HSPA13: variants seen among roughly 807,000 people sequenced by gnomAD.
The protein encoded by HSPA13 is heat shock protein family A (Hsp70) member 13.
A neutral mutation model predicts 38.8 loss-of-function variants in HSPA13; 29 were observed. The observed-to-expected ratio is 0.75, with a 90% CI of 0.56 to 1.02. The LOEUF is 1.02. Ranked by LOEUF, HSPA13 falls within the 50% of genes least tolerant of loss-of-function variation. The pLI, the probability that HSPA13 is intolerant of heterozygous loss-of-function variation, is 0.00. For missense variants in HSPA13, 451 were observed against 560.9 expected, an observed-to-expected ratio of 0.80 and a Z score of 1.98; for synonymous variants, 192 against 205.3, an observed-to-expected ratio of 0.94 and a Z score of 0.56.
rs201466440 is a variant in HSPA13, at chr21:14,373,696, A to G, written c.1337T>C (p.Ile446Thr). The G allele has an allele frequency of 7.4e-6, 12 of 1,614,144 alleles. No individual in the cohort carries two copies. The East Asian group carries it at 1.3e-4, about 18-fold the overall frequency. The change falls in exon 5 of 5, where the codon ATT (isoleucine) becomes ACT (threonine). Residue 446 changes from isoleucine (I) to threonine (T), a missense_variant. Ile to Thr is a moderately conservative substitution (Grantham distance 89). Coordinates refer to ENST00000285667, the MANE Select transcript of HSPA13 (RefSeq NM_006948.5). The stretch of plus-strand genomic sequence containing the variant: ...TTGGAGAGGCCAAGAGCCTCCATCA[A>G]TCCCTGCTTGGATAGCCACTCCCGT... ...VVTGVAIQAG[I>T]DGGSWPLQVS...
chr21:14,375,747 A>C lies in HSPA13; in HGVS notation c.653T>G (p.Val218Gly). The change falls in exon 4 of 5, where the codon GTC becomes GGC. Residue 218 changes from valine (V) to glycine (G), a missense_variant. Coordinates refer to ENST00000285667, the MANE Select transcript of HSPA13 (RefSeq NM_006948.5). Reference sequence around the variant, plus strand: ...CAAGTCTATCACCAAGACGTGGAAGACGTCAGCCTTGTGGAGACCATAGGC... The same window carrying C: ...CAAGTCTATCACCAAGACGTGGAAGCCGTCAGCCTTGTGGAGACCATAGGC... ...AMAYGLHKAD[V>G]FHVLVIDLGG... The C allele has an allele frequency of 1.2e-6, 2 of 1,614,134 alleles. No individual in the cohort carries two copies. The highest frequency in any genetic ancestry group is 1.1e-5 in the South Asian group (1 of 91,090).
Position 14,383,106 on chromosome 21 carries a change from ATC to A in HSPA13, c.12_13del (p.Glu4AspfsTer28), listed in dbSNP as rs1984215304. 5 of 1,613,970 alleles carry A rather than the reference ATC, an allele frequency of 3.1e-6. No individual in the cohort carries two copies. Among genetic ancestry groups the A allele is most frequent in the Non-Finnish European group, 4.2e-6 (5 of 1,179,976 alleles). The stretch of plus-strand genomic sequence containing the variant: ...CCCCGGGAACCCACCTAAGATCGTC[ATC>A]TCTCTGGCCATCACAGTCCCGCCGA... On this transcript the variant is annotated frameshift_variant, in exon 1 of 5. Transcript: ENST00000285667. LOFTEE classifies it high-confidence loss of function.
chr21:14,381,691 C>T, intron 1 of HSPA13, 148 bp from the exon 2 acceptor site: 1 of 530,716 alleles, frequency 1.9e-6, no homozygotes, highest in Non-Finnish European at 3.1e-6. Flanking sequence ...TGATAGCACT[C>T]CTCTCAGACA....
At chr21:14,378,883 G>T (rs1984100042) in intron 2 of HSPA13, among the ~76,000 whole-genome samples, 1 of 151,966 alleles carries the variant, frequency 6.6e-6, no homozygotes, top group South Asian at 2.1e-4. Flanking sequence ...CTCCCAAAGT[G>T]CTGGGATTAC....
At position 14,373,456 on chromosome 21, in the gene HSPA13, A is replaced by G. The variant is rs1420226151; in HGVS notation, c.*161T>C. On this transcript the variant is annotated 3_prime_UTR_variant, in exon 5 of 5. Transcript: ENST00000285667. ...AAACAGGATCAATCTGGTCACGTCTAATCCTAAGACAAAACACTATGTAAA... is the reference window on the plus strand; with the variant it reads ...AAACAGGATCAATCTGGTCACGTCTGATCCTAAGACAAAACACTATGTAAA... 8.0e-6 allele frequency: 5 copies of G among 621,712 alleles called. No homozygotes were observed. The highest frequency in any genetic ancestry group is 5.5e-5 in the African/African-American group (3 of 54,308). 38.5% of individuals were successfully genotyped at this position (621,712 alleles called of 1,614,324 possible).
chr21:14,373,490 G>A lies in HSPA13; in HGVS notation c.*127C>T, dbSNP rs762587806. On this transcript the variant is annotated 3_prime_UTR_variant, in exon 5 of 5. Transcript: ENST00000285667. ...ACAAAACACTATGTAAAATTTTCCT[G>A]TATCTAAATGTTGCCCTCTAGGTAA... 2.6e-6 allele frequency: 2 copies of A among 768,660 alleles called. No individual in the cohort carries two copies. Among genetic ancestry groups the A allele is most frequent in the Admixed American group, 2.9e-5 (1 of 34,432 alleles). 47.6% of individuals were successfully genotyped at this position (768,660 alleles called of 1,614,324 possible). A position where few individuals can be genotyped will look rare whatever the true frequency, so the allele number is the denominator to read the frequency against.
At position 14,373,617 on chromosome 21, in the gene HSPA13, T is replaced by G. The variant is rs2123521388; in HGVS notation, c.1416A>C (p.Ter472CysextTer5). 1 of 1,603,306 alleles carries G rather than the reference T, an allele frequency of 6.2e-7. No individual in the cohort carries two copies. The highest frequency in any genetic ancestry group is 8.5e-7 in the Non-Finnish European group (1 of 1,176,040). Residue 472 changes from the stop codon to cysteine, a stop_lost, in exon 5 of 5, where the codon TGA (stop) becomes TGC (cysteine). Transcript: ENST00000285667. ...CAAATAACCATTATTTCTGCAGAAT[T>G]CAGTTGAAGTTGGTTTTTTGTAAAT... is the stretch of plus-strand genomic sequence containing the variant. ...NKHLQKTNFN[*>C]
Position 14,373,486 on chromosome 21 carries a change from T to C in HSPA13, c.*131A>G. On this transcript the variant is annotated 3_prime_UTR_variant, in exon 5 of 5. Transcript: ENST00000285667. ...TAAGACAAAACACTATGTAAAATTT[T>C]CCTGTATCTAAATGTTGCCCTCTAG... The C allele has an allele frequency of 1.4e-6, 1 of 739,346 alleles. No homozygotes were observed. The highest frequency in any genetic ancestry group is 1.9e-5 in the South Asian group (1 of 51,506). 45.8% of individuals were successfully genotyped at this position (739,346 alleles called of 1,614,324 possible).
At position 14,381,298 on chromosome 21, in the gene HSPA13, T is replaced by C. The variant is rs977243768; in HGVS notation, c.271A>G (p.Asn91Asp). The change falls in exon 2 of 5, where the codon AAT (asparagine) becomes GAT (aspartate). Residue 91 changes from asparagine (N) to aspartate (D), a missense_variant. Asn to Asp is a conservative substitution (Grantham distance 23). Coordinates refer to ENST00000285667, the MANE Select transcript of HSPA13 (RefSeq NM_006948.5). ...GYESVELADS[N>D]PQNTIYDAKR... ...GCATCATATATTGTGTTTTGAGGAT[T>C]TGAATCTGCCAGCTCTACGCTTTCA... 1 of 1,614,042 alleles carries C rather than the reference T, an allele frequency of 6.2e-7. No homozygotes were observed. Among genetic ancestry groups the C allele is most frequent in the African/African-American group, 1.3e-5 (1 of 74,938 alleles).
rs200321727 is a variant in HSPA13, at chr21:14,374,218, T to C, written c.815A>G (p.Tyr272Cys). 12 of 1,612,938 alleles carry C rather than the reference T, an allele frequency of 7.4e-6. 1 individual carries two copies. The highest frequency in any genetic ancestry group is 3.3e-4 in the Middle Eastern group (2 of 6,062). Reference protein sequence around the residue: ...RLLQYLYKQIYQTYGFVPSRK... With the variant: ...RLLQYLYKQICQTYGFVPSRK... ...AGAGGGCACGAAGCCATATGTTTGA[T>C]AGATCTGTTTATATAAGTACTGAAG... The change falls in exon 5 of 5, where the codon TAT becomes TGT. Residue 272 changes from tyrosine (Y) to cysteine (C), a missense_variant. Coordinates refer to ENST00000285667, the MANE Select transcript of HSPA13 (RefSeq NM_006948.5).
In HSPA13 at chr21:14,373,686, G is replaced by C; in HGVS notation, c.1347C>G (p.Gly449=). ...GVAIQAGIDG[G]SWPLQVSALE... ...AAGCACTGACTTGGAGAGGCCAAGA[G>C]CCTCCATCAATCCCTGCTTGGATAG... Residue 449 remains glycine (G), a synonymous_variant, in exon 5 of 5, where the codon GGC becomes GGG. Coordinates refer to ENST00000285667, the MANE Select transcript of HSPA13 (RefSeq NM_006948.5). 1 of 1,614,154 alleles carries C rather than the reference G, an allele frequency of 6.2e-7. No individual in the cohort carries two copies. Among genetic ancestry groups the C allele is most frequent in the Non-Finnish European group, 8.5e-7 (1 of 1,180,018 alleles).
intron 3 of HSPA13, among the ~76,000 whole-genome samples, chr21:14,377,010 GC>G (rs968905775): frequency 1.3e-5 from 2 of 152,160 alleles, no homozygotes; most frequent in African/African-American, 4.8e-5. Context: ...AAGAAATCTG[GC>G]AACATATGGA....
At chr21:14,381,075 T>G in intron 2 of HSPA13, 128 bp downstream of exon 2, 5 of 699,382 alleles carry the variant, frequency 7.1e-6, no homozygotes, top group Non-Finnish European at 1.2e-5. Context: ...TCTGGTTATG[T>G]GAGATAACAG....
Position 14,373,062 on chromosome 21 carries a change from G to A in HSPA13, c.*555C>T, listed in dbSNP as rs1982864013. ...AGAATATGACACTTAACAGGATACT[G>A]AATTTGTGAATGTAAATTTGTTATA... On this transcript the variant is annotated 3_prime_UTR_variant, in exon 5 of 5. Coordinates refer to ENST00000285667, the MANE Select transcript of HSPA13 (RefSeq NM_006948.5). 6.6e-6 allele frequency: 1 copy of A among 152,528 alleles called. No individual in the cohort carries two copies. Among genetic ancestry groups the A allele is most frequent in the Admixed American group, 6.5e-5 (1 of 15,336 alleles). 9.4% of individuals were successfully genotyped at this position (152,528 alleles called of 1,614,324 possible).
At chr21:14,378,523 A>G in intron 2 of HSPA13, 111 bp from the exon 3 acceptor site, 1 of 674,978 alleles carries the variant, frequency 1.5e-6, no homozygotes, top group South Asian at 1.9e-5. Flanking sequence ...TCTTTACAAA[A>G]TCAAAAAATG....
At position 14,372,574 on chromosome 21, in the gene HSPA13, AAAT is replaced by A. The variant is rs1381294136; in HGVS notation, c.*1040_*1042del. 3 of 152,286 alleles carry A rather than the reference AAAT, an allele frequency of 2.0e-5. No individual in the cohort carries two copies. The highest frequency in any genetic ancestry group is 2.1e-4 in the South Asian group (1 of 4,834). The allele number at this position is 152,286 out of a possible 1,614,324, so 9.4% of individuals were successfully genotyped here. A position where few individuals can be genotyped will look rare whatever the true frequency, so the allele number is the denominator to read the frequency against. On this transcript the variant is annotated 3_prime_UTR_variant, in exon 5 of 5. Coordinates refer to ENST00000285667, the MANE Select transcript of HSPA13 (RefSeq NM_006948.5). ...AAAGAGTCCAAGTGTGATTATTTAA[AAAT>A]AATAATAGAAAACAATAACACAGCT...
chr21:14,374,242 A>G lies in HSPA13; in HGVS notation c.791T>C (p.Leu264Pro). The change falls in exon 5 of 5, where the codon CTT becomes CCT. Residue 264 changes from leucine (L) to proline (P), a missense_variant. Physicochemically the swap from Leu to Pro is moderately conservative, Grantham distance 98. Transcript: ENST00000285667. ...ATAGATCTGTTTATATAAGTACTGA[A>G]GCAATCTCTGATTGAAGTCCTGTCC... ...LGGQDFNQRL[L>P]QYLYKQIYQT... is the part of the protein sequence containing the mutation. The G allele has an allele frequency of 6.2e-7, 1 of 1,611,414 alleles. No homozygotes were observed. Among genetic ancestry groups the G allele is most frequent in the Non-Finnish European group, 8.5e-7 (1 of 1,179,664 alleles).
chr21:14,372,099 T>C lies in HSPA13; in HGVS notation c.*1518A>G, dbSNP rs187180905. The C allele has an allele frequency of 9.2e-5, 14 of 152,226 alleles. No homozygotes were observed. The highest frequency in any genetic ancestry group is 1.9e-4 in the Non-Finnish European group (13 of 67,954). The allele number at this position is 152,226 out of a possible 1,614,324, so 9.4% of individuals were successfully genotyped here. ...TAGATATGAAAAATATTAGTAACAT[T>C]CAGCTTTTTACTATGAGAAGCTGAA... On this transcript the variant is annotated 3_prime_UTR_variant, in exon 5 of 5. Coordinates refer to ENST00000285667, the MANE Select transcript of HSPA13 (RefSeq NM_006948.5).
chr21:14,381,995 TTTA>T (rs1220043462), intron 1 of HSPA13, among the ~76,000 whole-genome samples: 1 of 152,212 alleles, frequency 6.6e-6, no homozygotes, highest in Non-Finnish European at 1.5e-5. Context: ...CAAGAAAAAC[TTTA>T]TTATTTTATA....
Sources: gnomAD v4.1 joint callset for allele counts (sites outside exome capture counted in the v4.1 genomes callset) on GRCh38, gnomAD v4.1.1 for gene constraint, MANE v1.5 for transcripts, NCBI Gene and HGNC (gene_info 2026-07-23, HGNC 2026-07-21) for gene names.